ARMH4: variants seen among roughly 807,000 people sequenced by gnomAD.
The protein encoded by ARMH4 is armadillo-like helical domain-containing protein 4.
In ARMH4, 49 loss-of-function variants were observed where a neutral mutation model predicts 61.9. The observed-to-expected ratio is 0.79, with a 90% CI of 0.63 to 1.00. ARMH4 has a LOEUF of 1.00. Ranked by LOEUF, ARMH4 falls within the 50% of genes least tolerant of loss-of-function variation. ARMH4 has a pLI of 0.00. For synonymous variants in ARMH4, 368 were observed against 341.5 expected, an observed-to-expected ratio of 1.08 and a Z score of -0.85; for missense variants, 934 against 930.0, an observed-to-expected ratio of 1.00 and a Z score of -0.06.
At chr14:58,063,197 A>G (rs1609698) in intron 5 of ARMH4, among the ~76,000 whole-genome samples, 45,895 of 151,878 alleles carry the variant, frequency 0.3, 7,733 homozygotes, top group Non-Finnish European at 0.38. Context: ...CACTCTGTCA[A>G]TGTGTCTCCA....
In ARMH4 at chr14:58,049,081, C is replaced by CA. The variant is rs577111575; in HGVS notation, c.2090-36932dup. Reference sequence around the variant, plus strand: ...TGAAACCCCATCTCTATTAAAAACACAAAAAAAATTAGCCAGGCGTGGTGG... The same window carrying CA: ...TGAAACCCCATCTCTATTAAAAACACAAAAAAAAATTAGCCAGGCGTGGTGG... On this transcript the variant is annotated intron_variant, in intron 5 of 7. Coordinates refer to ENST00000267485, the MANE Select transcript of ARMH4 (RefSeq NM_001001872.4). Among the ~76,000 whole-genome samples the CA allele has an allele frequency of 5.4e-3, 810 of 151,232 alleles. 4 individuals carry two copies. The highest frequency in any genetic ancestry group is 8.8e-3 in the Non-Finnish European group (593 of 67,742).
chr14:58,141,078 TTA>T (rs1417182574), intron 1 of ARMH4, among the ~76,000 whole-genome samples: 1 of 152,136 alleles, frequency 6.6e-6, no homozygotes, highest in East Asian at 1.9e-4. Context: ...CTTCTGTTGT[TTA>T]TAAAAATCCA....
chr14:58,103,055 C>T (rs1287030056), intron 4 of ARMH4, among the ~76,000 whole-genome samples: 1 of 151,770 alleles, frequency 6.6e-6, no homozygotes, highest in Non-Finnish European at 1.5e-5. Flanking sequence ...ATTGCTTGAA[C>T]CCGGGAGGTG....
In ARMH4 at chr14:58,070,659, GAGA is replaced by G. The variant is rs562916388; in HGVS notation, c.2089+26062_2089+26064del. Among the ~76,000 whole-genome samples, 440 of 152,310 alleles carry G rather than the reference GAGA, an allele frequency of 2.9e-3. 4 individuals carry two copies. The highest frequency in any genetic ancestry group is 3.5e-3 in the Non-Finnish European group (240 of 68,008). On this transcript the variant is annotated intron_variant, in intron 5 of 7. Transcript: ENST00000267485. ...CAGCTCTTGGCAAAAGCACATTATG[GAGA>G]AGAATGGGGTATCCATCCCCTCAAG...
At chr14:58,121,630 C>T (rs1274579954) in intron 4 of ARMH4, among the ~76,000 whole-genome samples, 1 of 152,184 alleles carries the variant, frequency 6.6e-6, no homozygotes, top group Non-Finnish European at 1.5e-5. Flanking sequence ...AATGGATGTA[C>T]TAACCCACAG....
At chr14:58,053,085 G>C (rs1447366691) in intron 5 of ARMH4, among the ~76,000 whole-genome samples, 1 of 151,944 alleles carries the variant, frequency 6.6e-6, no homozygotes, top group South Asian at 2.1e-4. Context: ...TCTTCTTCCT[G>C]TCCCAGTAAA....
At chr14:58,045,614 A>T (rs575430682) in intron 5 of ARMH4, among the ~76,000 whole-genome samples, 74 of 151,872 alleles carry the variant, frequency 4.9e-4, no homozygotes, top group African/African-American at 1.1e-3. Flanking sequence ...AGTATAATAA[A>T]AAAAAAAAAA....
At chr14:58,009,148 C>T (rs1165310803) in intron 6 of ARMH4, among the ~76,000 whole-genome samples, 1 of 152,138 alleles carries the variant, frequency 6.6e-6, no homozygotes, top group Non-Finnish European at 1.5e-5. Flanking sequence ...ATAAAAATGA[C>T]TTCTTGCCTG....
At chr14:58,064,942 C>G (rs1884654539) in intron 5 of ARMH4, among the ~76,000 whole-genome samples, 2 of 152,066 alleles carry the variant, frequency 1.3e-5, no homozygotes, top group Non-Finnish European at 2.9e-5. Context: ...TCAAACGATG[C>G]CATTGACTTA....
intron 1 of ARMH4, among the ~76,000 whole-genome samples, chr14:58,147,865 T>C (rs1288860382): frequency 2.0e-5 from 3 of 152,170 alleles, no homozygotes; most frequent in African/African-American, 7.2e-5. Context: ...TCAACGTCCC[T>C]ACCTTTGCCA....
chr14:58,049,170 C>A (rs996115431), intron 5 of ARMH4, among the ~76,000 whole-genome samples: 1 of 148,186 alleles, frequency 6.7e-6, no homozygotes, highest in Non-Finnish European at 1.5e-5. Flanking sequence ...ACCCAGGAGG[C>A]GGAGCTTGCA....
intron 5 of ARMH4, among the ~76,000 whole-genome samples, chr14:58,031,822 C>T (rs935812654): frequency 6.6e-6 from 1 of 152,172 alleles, no homozygotes; most frequent in Non-Finnish European, 1.5e-5. Flanking sequence ...CATATACTTC[C>T]AAGCCACGCC....
intron 5 of ARMH4, among the ~76,000 whole-genome samples, chr14:58,032,958 G>C (rs1230059788): frequency 6.7e-6 from 1 of 148,220 alleles, no homozygotes; most frequent in Non-Finnish European, 1.5e-5. Flanking sequence ...ACTGCAAGGC[G>C]GCAACGAGGC....
intron 4 of ARMH4, among the ~76,000 whole-genome samples, chr14:58,130,052 G>A (rs1887035498): frequency 6.6e-6 from 1 of 152,140 alleles, no homozygotes. Flanking sequence ...CACAAGTATG[G>A]ATTATTCACA....
At chr14:58,023,097 G>A (rs1882901195) in intron 5 of ARMH4, among the ~76,000 whole-genome samples, 1 of 152,162 alleles carries the variant, frequency 6.6e-6, no homozygotes, top group African/African-American at 2.4e-5. Flanking sequence ...TGACTAATTA[G>A]GTGGTGGTTG....
chr14:58,134,798 C>T (rs1250690334), intron 2 of ARMH4, among the ~76,000 whole-genome samples: 3 of 151,484 alleles, frequency 2.0e-5, no homozygotes, highest in Non-Finnish European at 4.4e-5. Flanking sequence ...CTACTAAAAA[C>T]ACAACAAAAT....
chr14:58,112,958 C>T (rs1468762991), intron 4 of ARMH4, among the ~76,000 whole-genome samples: 3 of 152,074 alleles, frequency 2.0e-5, no homozygotes, highest in Non-Finnish European at 4.4e-5. Flanking sequence ...TACAATGTAT[C>T]TTGTTGAGCA....
At chr14:58,055,208 T>C (rs1328573083) in intron 5 of ARMH4, among the ~76,000 whole-genome samples, 1 of 152,228 alleles carries the variant, frequency 6.6e-6, no homozygotes, top group Non-Finnish European at 1.5e-5. Flanking sequence ...TAAGAAAAAG[T>C]ATTTCCAATT....
At chr14:58,053,253 A>G (rs1247836916) in intron 5 of ARMH4, among the ~76,000 whole-genome samples, 1 of 152,254 alleles carries the variant, frequency 6.6e-6, no homozygotes, top group East Asian at 1.9e-4. Context: ...CAAGGAGAAC[A>G]TTAGCATATG....
Sources: allele counts gnomAD v4.1 joint callset (sites outside exome capture counted in the v4.1 genomes callset), GRCh38; gene constraint gnomAD v4.1.1; transcripts MANE v1.5; gene names NCBI Gene and HGNC (gene_info 2026-07-23, HGNC 2026-07-21).